The following PDK1 variants were observed in gnomAD, a reference collection of about 807,000 sequenced individuals.
PDK1 encodes the protein [Pyruvate dehydrogenase (acetyl-transferring)] kinase isozyme 1, mitochondrial.
In PDK1, 39 loss-of-function variants were observed where a neutral mutation model predicts 54.2. The observed-to-expected ratio is 0.72, with a 90% CI of 0.56 to 0.94. The LOEUF is 0.94. Ranked by LOEUF, PDK1 falls within the 40% of genes least tolerant of loss-of-function variation. The pLI is 0.00. For missense variants in PDK1, 552 were observed against 566.0 expected (o/e 0.98, Z 0.25); for synonymous variants, 221 against 207.1 (o/e 1.07, Z -0.58).
At position 172,602,311 on chromosome 2, in the gene PDK1, G is replaced by A. The variant is rs1680616093; in HGVS notation, c.*6342G>A. 6.6e-6 allele frequency: 1 copy of A among 152,160 alleles called. No homozygotes were observed. Among genetic ancestry groups the A allele is most frequent in the African/African-American group, 2.4e-5 (1 of 41,442 alleles). The allele number at this position is 152,160 out of a possible 1,614,324, so 9.4% of individuals were successfully genotyped here. On this transcript the variant is annotated 3_prime_UTR_variant, in exon 11 of 11. Transcript: ENST00000282077. ...ATGAGCAAAAGGAGAATCTTTCCCA[G>A]GAACAGGAGGATGTTTTAATAAAAA...
the PDK1 span, among the ~76,000 whole-genome samples, chr2:172,663,438 G>C: frequency 6.6e-6 from 1 of 152,158 alleles, no homozygotes; most frequent in African/African-American, 2.4e-5. Context: ...TGGTAAGTTA[G>C]AGCCAAAAAG....
At chr2:172,639,236 A>G in the PDK1 span, among the ~76,000 whole-genome samples, 1 of 152,146 alleles carries the variant, frequency 6.6e-6, no homozygotes, top group Non-Finnish European at 1.5e-5. Context: ...AAGGGTTCAC[A>G]TTTTCATTTT....
chr2:172,659,257 G>A, the PDK1 span, among the ~76,000 whole-genome samples: 12 of 152,202 alleles, frequency 7.9e-5, no homozygotes, highest in Non-Finnish European at 1.2e-4. Context: ...GGTTTCCCCC[G>A]ATAAAACCAC....
At chr2:172,667,039 T>C in the PDK1 span, among the ~76,000 whole-genome samples, 2 of 152,226 alleles carry the variant, frequency 1.3e-5, no homozygotes, top group South Asian at 2.1e-4. Context: ...TATGTAGTAG[T>C]GAAGTCTGGG....
intron 9 of PDK1, among the ~76,000 whole-genome samples, chr2:172,592,360 TCTGA>T (rs1012708844): frequency 1.3e-5 from 2 of 152,198 alleles, no homozygotes; most frequent in Non-Finnish European, 2.9e-5. Flanking sequence ...TCTTCCTCTC[TCTGA>T]CTTTTTGTGT....
chr2:172,682,914 G>A, the PDK1 span, among the ~76,000 whole-genome samples: 1 of 152,276 alleles, frequency 6.6e-6, no homozygotes, highest in South Asian at 2.1e-4. Flanking sequence ...AGAGCCCATA[G>A]ACTTTCATGA....
the PDK1 span, among the ~76,000 whole-genome samples, chr2:172,679,178 A>T: frequency 6.6e-6 from 1 of 152,170 alleles, no homozygotes; most frequent in African/African-American, 2.4e-5. Context: ...AAGCATGATG[A>T]CTCATGCCTA....
At chr2:172,624,548 G>A in the PDK1 span, among the ~76,000 whole-genome samples, 1 of 152,118 alleles carries the variant, frequency 6.6e-6, no homozygotes. Context: ...TGGAAAAATT[G>A]TCTTCCATGA....
chr2:172,650,710 A>T, the PDK1 span, among the ~76,000 whole-genome samples: 3 of 152,196 alleles, frequency 2.0e-5, no homozygotes, highest in Non-Finnish European at 4.4e-5. Flanking sequence ...ACTTTAAACC[A>T]ACAAAGATCA....
the PDK1 span, among the ~76,000 whole-genome samples, chr2:172,668,910 G>T: frequency 0.11 from 2,177 of 20,360 alleles, 22 homozygotes; most frequent in African/African-American, 0.16. Context: ...TATATATAGA[G>T]AGAGAGAGAG....
chr2:172,678,171 A>G, the PDK1 span, among the ~76,000 whole-genome samples: 62,212 of 151,740 alleles, frequency 0.41, 13,995 homozygotes, highest in Non-Finnish European at 0.52. Context: ...CTCCGTCTCA[A>G]AAAAAAGAAA....
chr2:172,559,311 G>A (rs1427325046), intron 2 of PDK1, among the ~76,000 whole-genome samples: 3 of 152,180 alleles, frequency 2.0e-5, no homozygotes, highest in African/African-American at 7.2e-5. Context: ...ATGTATTTGG[G>A]CTTGTGCCCT....
In PDK1 at chr2:172,596,440, C is replaced by CT. The variant is rs1164986976; in HGVS notation, c.*472dup. On this transcript the variant is annotated 3_prime_UTR_variant, in exon 11 of 11. Transcript: ENST00000282077. ...GTCTTCATGTTTATCAGTGACTTGACTACAAGTAAAGCAGAAAACAGTTGG... is the reference window on the plus strand; with the variant it reads ...GTCTTCATGTTTATCAGTGACTTGACTTACAAGTAAAGCAGAAAACAGTTGG... 2.0e-5 allele frequency: 3 copies of CT among 153,352 alleles called. No individual in the cohort carries two copies. The highest frequency in any genetic ancestry group is 4.4e-5 in the Non-Finnish European group (3 of 68,796). The allele number at this position is 153,352 out of a possible 1,614,324, so 9.5% of individuals were successfully genotyped here. A position where few individuals can be genotyped will look rare whatever the true frequency, so the allele number is the denominator to read the frequency against.
chr2:172,604,864 G>T lies in PDK1; in HGVS notation c.*8895G>T, dbSNP rs994347205. 2 of 152,136 alleles carry T rather than the reference G, an allele frequency of 1.3e-5. No homozygotes were observed. The highest frequency in any genetic ancestry group is 4.8e-5 in the African/African-American group (2 of 41,426). 9.4% of individuals were successfully genotyped at this position (152,136 alleles called of 1,614,324 possible). A position where few individuals can be genotyped will look rare whatever the true frequency, so the allele number is the denominator to read the frequency against. ...GAGATTATTTTGGAGCTTTATATTG[G>T]GTATGTTCTTATCCAACTATCATTA... On this transcript the variant is annotated 3_prime_UTR_variant, in exon 11 of 11. Coordinates refer to ENST00000282077, the MANE Select transcript of PDK1 (RefSeq NM_002610.5).
chr2:172,638,251 T>C, the PDK1 span, among the ~76,000 whole-genome samples: 1 of 152,170 alleles, frequency 6.6e-6, no homozygotes. Flanking sequence ...TTTATTATCA[T>C]GAATGAAGTG....
chr2:172,611,138 A>G (rs887383472), downstream of PDK1, among the ~76,000 whole-genome samples: 3 of 152,226 alleles, frequency 2.0e-5, no homozygotes, highest in African/African-American at 7.2e-5. Context: ...AATCCTCAAC[A>G]TCACATTCAG....
At chr2:172,571,981 G>A (rs140435298) in intron 8 of PDK1, among the ~76,000 whole-genome samples, 3,279 of 151,714 alleles carry the variant, frequency 0.022, 46 homozygotes, top group South Asian at 0.055. Flanking sequence ...ACAGGCACCC[G>A]CCACCACGCC....
chr2:172,685,836 G>C, the PDK1 span, among the ~76,000 whole-genome samples: 1 of 152,140 alleles, frequency 6.6e-6, no homozygotes, highest in Non-Finnish European at 1.5e-5. Flanking sequence ...ACAGCTGCAC[G>C]TGGCTATTTT....
chr2:172,679,968 T>G, the PDK1 span, among the ~76,000 whole-genome samples: 1 of 152,218 alleles, frequency 6.6e-6, no homozygotes. Context: ...CACAAGACCC[T>G]ATTTCAGAGA....
Sources: allele counts gnomAD v4.1 joint callset (sites outside exome capture counted in the v4.1 genomes callset), GRCh38; gene constraint gnomAD v4.1.1; transcripts MANE v1.5; gene names NCBI Gene and HGNC (gene_info 2026-07-23, HGNC 2026-07-21).